The following PIWIL4 variants were observed in gnomAD, a reference collection of about 807,000 sequenced individuals.
PIWIL4 encodes the protein piwi-like protein 4.
Under a neutral mutation model 100.9 loss-of-function variants are expected in PIWIL4, and 50 were observed. That is an observed-to-expected ratio of 0.50 (90% CI 0.39 to 0.63). The LOEUF (loss-of-function observed/expected upper bound fraction) is 0.63. PIWIL4 is among the 20% of genes least tolerant of loss of function. The pLI, the probability that PIWIL4 is intolerant of heterozygous loss-of-function variation, is 0.00. For synonymous variants in PIWIL4, 342 were observed against 367.5 expected, an observed-to-expected ratio of 0.93 and a Z score of 0.79; for missense variants, 887 against 1,043.3, an observed-to-expected ratio of 0.85 and a Z score of 2.06.
At chr11:94,574,013 A>G (rs189771793) in intron 2 of PIWIL4, among the ~76,000 whole-genome samples, 4 of 152,318 alleles carry the variant, frequency 2.6e-5, no homozygotes, top group Non-Finnish European at 2.9e-5. Flanking sequence ...AATGGCTTAT[A>G]TGGACAATTT....
intron 10 of PIWIL4, among the ~76,000 whole-genome samples, chr11:94,596,054 A>T (rs193190547): frequency 6.6e-5 from 10 of 152,304 alleles, no homozygotes; most frequent in Admixed American, 4.6e-4. Context: ...GGCTAGTGAC[A>T]CATCTAGAAA....
chr11:94,572,820 G>A (rs1229446280), intron 2 of PIWIL4, among the ~76,000 whole-genome samples: 2 of 152,136 alleles, frequency 1.3e-5, no homozygotes, highest in Non-Finnish European at 2.9e-5. Flanking sequence ...TTCCAATTCT[G>A]TGAAGAAAGT....
At chr11:94,612,622 C>T (rs1247238159) in intron 15 of PIWIL4, among the ~76,000 whole-genome samples, 1 of 151,488 alleles carries the variant, frequency 6.6e-6, no homozygotes, top group African/African-American at 2.4e-5. Flanking sequence ...TTTCTTTATT[C>T]CTCTCTCTCT....
chr11:94,576,128 A>G (rs949820852), intron 3 of PIWIL4, among the ~76,000 whole-genome samples: 1 of 152,008 alleles, frequency 6.6e-6, no homozygotes, highest in Admixed American at 6.6e-5. Flanking sequence ...TCTATTCTAT[A>G]TCATTCTTTT....
At chr11:94,592,818 A>T (rs1948504974) in intron 8 of PIWIL4, among the ~76,000 whole-genome samples, 1 of 152,194 alleles carries the variant, frequency 6.6e-6, no homozygotes, top group African/African-American at 2.4e-5. Flanking sequence ...TGGTAAAGGG[A>T]GAGGAATATG....
At chr11:94,612,771 TA>T (rs1948801336) in intron 15 of PIWIL4, among the ~76,000 whole-genome samples, 1 of 152,192 alleles carries the variant, frequency 6.6e-6, no homozygotes, top group Admixed American at 6.5e-5. Context: ...TATAACAGTA[TA>T]TTTTAAGCTG....
intron 3 of PIWIL4, among the ~76,000 whole-genome samples, chr11:94,575,901 T>G (rs998220033): frequency 1.3e-5 from 2 of 152,212 alleles, no homozygotes; most frequent in African/African-American, 4.8e-5. Flanking sequence ...TTTATTTATA[T>G]GAGCAGCTAA....
intron 6 of PIWIL4, among the ~76,000 whole-genome samples, chr11:94,586,778 G>A (rs577619823): frequency 6.6e-6 from 1 of 152,276 alleles, no homozygotes; most frequent in Non-Finnish European, 1.5e-5. Flanking sequence ...ACACAGGACG[G>A]TCCCTAACAA....
intron 13 of PIWIL4, among the ~76,000 whole-genome samples, chr11:94,604,448 C>T (rs899811896): frequency 1.3e-5 from 2 of 152,142 alleles, no homozygotes; most frequent in Admixed American, 1.3e-4. Context: ...CCCCAAATTC[C>T]TGCTTCCTGT....
intron 3 of PIWIL4, among the ~76,000 whole-genome samples, chr11:94,576,941 C>T (rs1948245915): frequency 6.6e-6 from 1 of 152,184 alleles, no homozygotes; most frequent in Non-Finnish European, 1.5e-5. Context: ...GAAAATATTA[C>T]TTGAGCCGAT....
chr11:94,597,774 T>C, intron 10 of PIWIL4, 30 bp from the exon 11 acceptor site: 3 of 1,491,600 alleles, frequency 2.0e-6, no homozygotes, highest in Non-Finnish European at 2.8e-6. Flanking sequence ...TATATCTCTC[T>C]TTAATGATTT....
At position 94,607,454 on chromosome 11, in the gene PIWIL4, C is replaced by T. The variant is rs1251718851; in HGVS notation, c.1654C>T (p.Pro552Ser). The change falls in exon 14 of 20, where the codon CCT becomes TCT. Residue 552 changes from proline (P) to serine (S), a missense_variant. Physicochemically the swap from Pro to Ser is moderately conservative, Grantham distance 74. Around this residue, in one of 2 missense-constraint regions of PIWIL4, gnomAD observed 741 missense variants for 930.0 expected, o/e 0.80. Coordinates refer to ENST00000299001, the MANE Select transcript of PIWIL4 (RefSeq NM_152431.3). ...PDVQLVMCIL[P>S]SNQKTYYDSI... ...TTGCTTTTAGGTAATGTGCATTCTG[C>T]CTTCTAATCAGAAGACCTATTATGA... 19 of 1,613,624 alleles carry T rather than the reference C, an allele frequency of 1.2e-5. No individual in the cohort carries two copies. The highest frequency in any genetic ancestry group is 1.5e-5 in the Non-Finnish European group (18 of 1,179,718).
chr11:94,568,738 T>C lies in PIWIL4; in HGVS notation c.96T>C (p.Ser32=). The C allele has an allele frequency of 1.2e-6, 2 of 1,604,648 alleles. No homozygotes were observed. The highest frequency in any genetic ancestry group is 1.7e-6 in the Non-Finnish European group (2 of 1,171,378). ...TTTTTTTGCCATTTTAGCCTAGATCTGTTGATCTTAGTAACAATGAAGCAT... is the reference window on the plus strand; with the variant it reads ...TTTTTTTGCCATTTTAGCCTAGATCCGTTGATCTTAGTAACAATGAAGCAT... ...GRIQASPLPR[S]VDLSNNEASS... is the part of the protein sequence containing the mutation. Residue 32 remains serine (S), a synonymous_variant, in exon 2 of 20, where the codon TCT becomes TCC. Transcript: ENST00000299001.
chr11:94,601,042 A>G (rs1170578049), intron 11 of PIWIL4, among the ~76,000 whole-genome samples: 1 of 151,140 alleles, frequency 6.6e-6, no homozygotes, highest in African/African-American at 2.4e-5. Context: ...TAATGCAATT[A>G]TCACAAGGTC....
intron 12 of PIWIL4, 84 bp from the exon 13 acceptor site, chr11:94,603,900 T>G: frequency 1.2e-6 from 1 of 808,408 alleles, no homozygotes; most frequent in Non-Finnish European, 1.9e-6. Context: ...TTATGAAAAT[T>G]TATTTGTATT....
At chr11:94,618,455 C>A (rs1417580369) in intron 17 of PIWIL4, among the ~76,000 whole-genome samples, 3 of 152,110 alleles carry the variant, frequency 2.0e-5, no homozygotes, top group Admixed American at 6.5e-5. Context: ...GAAAACAAAC[C>A]GTGATTTCAA....
intron 12 of PIWIL4, among the ~76,000 whole-genome samples, chr11:94,602,677 CTG>C (rs1948659540): frequency 6.6e-6 from 1 of 152,172 alleles, no homozygotes; most frequent in South Asian, 2.1e-4. Context: ...TTTACTGAAA[CTG>C]ATATGCTTAG....
rs111804787 is a variant in PIWIL4 at position 94,591,105 on chromosome 11, C to T, written c.1026+1873C>T. On this transcript the variant is annotated intron_variant, in intron 8 of 19. Transcript: ENST00000299001. Reference sequence around the variant, plus strand: ...CTGCACTTTGTGAGCACTGGGAGAACAGTGGAGACCATGCTCCTCCTTTTC... The same window carrying T: ...CTGCACTTTGTGAGCACTGGGAGAATAGTGGAGACCATGCTCCTCCTTTTC... Among the ~76,000 whole-genome samples, 434 of 152,330 alleles carry T rather than the reference C, an allele frequency of 2.8e-3. 6 individuals are homozygous for T. The highest frequency in any genetic ancestry group is 9.9e-3 in the African/African-American group (412 of 41,568).
intron 4 of PIWIL4, among the ~76,000 whole-genome samples, chr11:94,578,988 T>A (rs988937273): frequency 9.2e-5 from 14 of 152,258 alleles, no homozygotes; most frequent in Non-Finnish European, 2.1e-4. Context: ...GATTTCTTAA[T>A]TATGAAGCTG....
Sources: allele counts gnomAD v4.1 joint callset (sites outside exome capture counted in the v4.1 genomes callset), GRCh38; gene constraint gnomAD v4.1.1; regional missense constraint gnomAD v4.1.1; transcripts MANE v1.5; gene names NCBI Gene and HGNC (gene_info 2026-07-23, HGNC 2026-07-21).